The following SCAP variants were observed in gnomAD, a reference collection of about 807,000 sequenced individuals.
SCAP encodes sterol regulatory element-binding protein cleavage-activating protein.
In SCAP, 65 loss-of-function variants were observed where a neutral mutation model predicts 123.6. The observed-to-expected ratio is 0.53, with a 90% CI of 0.43 to 0.65. The LOEUF is 0.65. SCAP is among the 30% of genes least tolerant of loss of function. The pLI is 0.00. For synonymous variants in SCAP, 740 were observed against 726.3 expected (o/e 1.02, Z -0.30); for missense variants, 1,398 against 1,712.5 (o/e 0.82, Z 3.24).
chr3:47,454,503 G>T (rs1487445322), intron 1 of SCAP, among the ~76,000 whole-genome samples: 1 of 152,072 alleles, frequency 6.6e-6, no homozygotes, highest in African/African-American at 2.4e-5. Context: ...AAGGCTGGTG[G>T]ATCGTTTGAG....
intron 1 of SCAP, among the ~76,000 whole-genome samples, chr3:47,471,140 T>C (rs1304585553): frequency 6.6e-6 from 1 of 152,142 alleles, no homozygotes; most frequent in Non-Finnish European, 1.5e-5. Flanking sequence ...GTCTTCAAAA[T>C]GTGCAAAGCT....
intron 1 of SCAP, among the ~76,000 whole-genome samples, chr3:47,456,058 A>T (rs1324235295): frequency 6.6e-6 from 1 of 152,230 alleles, no homozygotes; most frequent in Non-Finnish European, 1.5e-5. Flanking sequence ...AAGGTGTTGC[A>T]ACAAATGGGT....
intron 1 of SCAP, among the ~76,000 whole-genome samples, chr3:47,443,827 G>C (rs1371073209): frequency 6.6e-6 from 1 of 152,136 alleles, no homozygotes; most frequent in Admixed American, 6.5e-5. Flanking sequence ...ATTTAACCTG[G>C]ATTAACTATG....
intron 21 of SCAP, 58 bp from the exon 22 acceptor site, chr3:47,414,444 G>GGTGT (rs1168377964): frequency 6.2e-7 from 1 of 1,603,976 alleles, no homozygotes; most frequent in Non-Finnish European, 8.5e-7. Context: ...TGTCAACAGT[G>GGTGT]GTGTCCCTGT....
chr3:47,434,938 G>A (rs1706508803), intron 3 of SCAP, 70 bp downstream of exon 3: 19 of 1,603,938 alleles, frequency 1.2e-5, no homozygotes, highest in Non-Finnish European at 1.6e-5. Flanking sequence ...AATCTCACTG[G>A]CAGACCCCTG....
intron 1 of SCAP, among the ~76,000 whole-genome samples, chr3:47,469,271 C>T (rs182668236): frequency 4.6e-5 from 7 of 152,264 alleles, no homozygotes; most frequent in African/African-American, 1.4e-4. Flanking sequence ...TCGCTTGAAC[C>T]GGGAGGCAAA....
At chr3:47,430,377 G>C (rs1208606222) in intron 3 of SCAP, among the ~76,000 whole-genome samples, 1 of 152,176 alleles carries the variant, frequency 6.6e-6, no homozygotes, top group Non-Finnish European at 1.5e-5. Flanking sequence ...TCAGTAACAG[G>C]CATGTCGCGG....
At chr3:47,427,022 A>T (rs1706162910) in intron 6 of SCAP, 135 bp downstream of exon 6, 2 of 683,778 alleles carry the variant, frequency 2.9e-6, no homozygotes, top group Middle Eastern at 5.1e-4. Context: ...AGGGATGTAA[A>T]CATTCAACAG....
At chr3:47,471,070 T>C (rs541381250) in intron 1 of SCAP, among the ~76,000 whole-genome samples, 34 of 152,284 alleles carry the variant, frequency 2.2e-4, no homozygotes, top group Admixed American at 1.4e-3. Flanking sequence ...CAAGGGCTTA[T>C]TGCTCTCTAT....
intron 1 of SCAP, among the ~76,000 whole-genome samples, chr3:47,471,314 G>A (rs563414592): frequency 3.3e-5 from 5 of 152,226 alleles, no homozygotes; most frequent in South Asian, 2.1e-4. Flanking sequence ...TATTTAGAAC[G>A]GGAAGGAAAT....
chr3:47,418,047 G>C, intron 16 of SCAP, 87 bp downstream of exon 16: 4 of 945,712 alleles, frequency 4.2e-6, no homozygotes, highest in Non-Finnish European at 6.4e-6. Context: ...TACCTCGGAG[G>C]AAGAAAGGAG....
chr3:47,425,563 A>G lies in SCAP; in HGVS notation c.959T>C (p.Val320Ala). Residue 320 changes from valine to alanine, a missense_variant, in exon 8 of 23, where the codon GTG becomes GCG. Coordinates refer to ENST00000265565, the MANE Select transcript of SCAP (RefSeq NM_012235.4). ...KSKWGLALAA[V>A]VTVLSSLLMS... is the part of the protein sequence containing the mutation. ...GAGCAGCGAGCTGAGCACTGTGACC[A>G]CGGCAGCCAGGGCCAGCCCCCACTT... 1 of 1,614,138 alleles carries G rather than the reference A, an allele frequency of 6.2e-7. No individual in the cohort carries two copies. The highest frequency in any genetic ancestry group is 1.1e-5 in the South Asian group (1 of 91,090).
chr3:47,425,973 T>G (rs1481355204), intron 7 of SCAP, 24 bp downstream of exon 7: 1 of 1,613,478 alleles, frequency 6.2e-7, no homozygotes, highest in East Asian at 2.2e-5. Flanking sequence ...GAGAAAGCCC[T>G]CAGCCTCCCT....
At chr3:47,422,792 A>G in intron 9 of SCAP, 1 of 362,198 alleles carries the variant, frequency 2.8e-6, no homozygotes, top group East Asian at 4.3e-5. Context: ...TAATCATCAA[A>G]AGAGGGAAGA....
At chr3:47,470,276 C>G (rs1707982042) in intron 1 of SCAP, among the ~76,000 whole-genome samples, 2 of 152,128 alleles carry the variant, frequency 1.3e-5, no homozygotes, top group South Asian at 4.1e-4. Flanking sequence ...AAGAAGATTA[C>G]TGCATCTGCT....
intron 1 of SCAP, among the ~76,000 whole-genome samples, chr3:47,468,952 T>C (rs1421133371): frequency 2.6e-5 from 4 of 152,250 alleles, no homozygotes; most frequent in Non-Finnish European, 5.9e-5. Flanking sequence ...CCTGGATCGA[T>C]AGTTTCTATG....
chr3:47,447,835 C>T (rs539047580), intron 1 of SCAP, among the ~76,000 whole-genome samples: 32 of 151,638 alleles, frequency 2.1e-4, no homozygotes, highest in Non-Finnish European at 4.0e-4. Flanking sequence ...AGTGAAACCC[C>T]GTCTCTATGA....
At position 47,435,071 on chromosome 3, in the gene SCAP, A is replaced by G; in HGVS notation, c.189T>C (p.Asp63=). The change falls in exon 3 of 23, where the codon GAT becomes GAC. Residue 63 remains aspartate (D), a synonymous_variant. Transcript: ENST00000265565. ...GPVEFTTPVK[D]YSPPPVDSDR... ...CAGAGTCCACAGGTGGGGGCGAGTAATCCTTCACAGGGGTGGTGAATTCCA... is the reference window on the plus strand; with the variant it reads ...CAGAGTCCACAGGTGGGGGCGAGTAGTCCTTCACAGGGGTGGTGAATTCCA... 6.2e-7 allele frequency: 1 copy of G among 1,614,096 alleles called. No individual in the cohort carries two copies. Among genetic ancestry groups the G allele is most frequent in the African/African-American group, 1.3e-5 (1 of 75,038 alleles).
intron 1 of SCAP, among the ~76,000 whole-genome samples, chr3:47,468,223 G>C (rs577253582): frequency 2.0e-5 from 3 of 152,214 alleles, no homozygotes; most frequent in South Asian, 2.1e-4. Context: ...ATAATCCTTT[G>C]GGTATATGCC....
Sources: gnomAD v4.1 joint callset for allele counts (sites outside exome capture counted in the v4.1 genomes callset) on GRCh38, gnomAD v4.1.1 for gene constraint, MANE v1.5 for transcripts, NCBI Gene and HGNC (gene_info 2026-07-23, HGNC 2026-07-21) for gene names.